The following ICE1 variants were observed in gnomAD, a reference collection of about 807,000 sequenced individuals.
The protein encoded by ICE1 is little elongation complex subunit 1.
Under a neutral mutation model 192.7 loss-of-function variants are expected in ICE1, and 64 were observed. The ratio of observed to expected loss-of-function variants is 0.33; its 90% confidence interval spans 0.27 to 0.41. The LOEUF (loss-of-function observed/expected upper bound fraction) is 0.41, where lower values mean the gene tolerates loss of function less well. ICE1 is among the 10% of genes least tolerant of loss of function. The pLI is 1.00. For synonymous variants in ICE1, 1,010 were observed against 984.5 expected (o/e 1.03, Z -0.49); for missense variants, 2,708 against 2,696.0 (o/e 1.00, Z -0.10).
At chr5:5,449,897 G>A (rs1333792289) in intron 10 of ICE1, among the ~76,000 whole-genome samples, 3 of 152,154 alleles carry the variant, frequency 2.0e-5, no homozygotes, top group African/African-American at 7.2e-5. Context: ...AAAACAAGAT[G>A]TTTATATACT....
intron 17 of ICE1, 99 bp downstream of exon 17, chr5:5,476,178 T>C: frequency 1.6e-6 from 1 of 630,142 alleles, no homozygotes; most frequent in Non-Finnish European, 2.6e-6. Context: ...ACTTTGAAAA[T>C]TTCTGATTTT....
chr5:5,457,964 AG>A (rs1738638467), intron 12 of ICE1, among the ~76,000 whole-genome samples: 1 of 152,162 alleles, frequency 6.6e-6, no homozygotes, highest in Non-Finnish European at 1.5e-5. Context: ...CATTTTTGTT[AG>A]TCTTTATCCA....
intron 14 of ICE1, among the ~76,000 whole-genome samples, chr5:5,467,426 CA>C (rs1215607913): frequency 6.6e-6 from 1 of 152,220 alleles, no homozygotes; most frequent in East Asian, 1.9e-4. Flanking sequence ...TCAACCACAG[CA>C]AGCCCATTCT....
In ICE1 at chr5:5,454,594, A is replaced by G. The variant is rs1315330440; in HGVS notation, c.647A>G (p.Asn216Ser). The change falls in exon 11 of 19, where the codon AAC becomes AGC. Residue 216 changes from asparagine (N) to serine (S), a missense_variant. Asn to Ser is a conservative substitution (Grantham distance 46). Transcript: ENST00000296564. ...CTGAAGGAACTCTGGCTCTGTGTAA[A>G]CACAACACACAGACTACCTGGTGAA... is the stretch of plus-strand genomic sequence containing the variant. ...LLLKELWLCV[N>S]TTHRLPGEGS... 6.2e-7 allele frequency: 1 copy of G among 1,613,528 alleles called. No homozygotes were observed. The highest frequency in any genetic ancestry group is 8.5e-7 in the Non-Finnish European group (1 of 1,179,722).
At position 5,464,746 on chromosome 5, in the gene ICE1, T is replaced by C. The variant is rs200851791; in HGVS notation, c.5412T>C (p.Thr1804=). 1.9e-6 allele frequency: 3 copies of C among 1,613,898 alleles called. No homozygotes were observed. The highest frequency in any genetic ancestry group is 2.5e-6 in the Non-Finnish European group (3 of 1,179,858). ...TCAAAACGATCACTTCAGCAGCAAC[T>C]GCTTTTGTCAAAACTGGGAGCAGCT... ...IGFKTITSAA[T]AFVKTGSSSG... Residue 1804 remains threonine (T), a synonymous_variant, in exon 13 of 19, where the codon ACT becomes ACC. Coordinates refer to ENST00000296564, the MANE Select transcript of ICE1 (RefSeq NM_015325.3). The surrounding 1 kb of genome is among the most constrained non-coding windows in gnomAD (Gnocchi z 4.0).
At chr5:5,456,168 T>A (rs1453873594) in intron 11 of ICE1, among the ~76,000 whole-genome samples, 1 of 152,214 alleles carries the variant, frequency 6.6e-6, no homozygotes, top group African/African-American at 2.4e-5. Context: ...GTATTATCAC[T>A]GGGCTCTAAC....
chr5:5,465,545 A>G (rs968920478), intron 13 of ICE1, among the ~76,000 whole-genome samples: 1 of 152,220 alleles, frequency 6.6e-6, no homozygotes, highest in African/African-American at 2.4e-5. Flanking sequence ...CAAAGCTTCA[A>G]ATTATCACAT....
At position 5,467,523 on chromosome 5, in the gene ICE1, A is replaced by C. The variant is rs537266599; in HGVS notation, c.6061+1021A>C. ...CTCCATTAATTTCACATACCTTCCT[A>C]GTCATCCTGGATCCCTTATTTTTCT... On this transcript the variant is annotated intron_variant, in intron 14 of 18. Transcript: ENST00000296564. Among the ~76,000 whole-genome samples the C allele has an allele frequency of 5.9e-5, 9 of 152,192 alleles. 1 individual carries two copies. The highest frequency in any genetic ancestry group is 4.4e-5 in the Non-Finnish European group (3 of 68,022).
chr5:5,433,754 T>A (rs1332745916), intron 1 of ICE1, among the ~76,000 whole-genome samples: 1 of 152,142 alleles, frequency 6.6e-6, no homozygotes, highest in African/African-American at 2.4e-5. Flanking sequence ...ATGTCTTTTG[T>A]GGGACAGGTC....
At chr5:5,432,186 G>A (rs1737729983) in intron 1 of ICE1, among the ~76,000 whole-genome samples, 1 of 152,062 alleles carries the variant, frequency 6.6e-6, no homozygotes, top group South Asian at 2.1e-4. Flanking sequence ...CTAGTTACTA[G>A]TCATTTCCTG....
chr5:5,455,558 T>C (rs576812944), intron 11 of ICE1, among the ~76,000 whole-genome samples: 2 of 152,360 alleles, frequency 1.3e-5, no homozygotes, highest in African/African-American at 4.8e-5. Context: ...TTAAAAGAGC[T>C]GTTCTTCATT....
intron 10 of ICE1, among the ~76,000 whole-genome samples, chr5:5,450,783 T>C (rs540713654): frequency 6.6e-6 from 1 of 152,310 alleles, no homozygotes; most frequent in Admixed American, 6.5e-5. Context: ...ATTAAAAGTA[T>C]AGTTTGCCAT....
chr5:5,444,409 A>G (rs1263839658), intron 7 of ICE1, 83 bp downstream of exon 7: 3 of 948,076 alleles, frequency 3.2e-6, no homozygotes, highest in Non-Finnish European at 4.9e-6. Flanking sequence ...TCTTGATCAA[A>G]TAGTTGAATT....
chr5:5,448,625 A>G (rs562005854), intron 10 of ICE1, among the ~76,000 whole-genome samples: 1 of 152,376 alleles, frequency 6.6e-6, no homozygotes, highest in African/African-American at 2.4e-5. Flanking sequence ...ATGTTTAATT[A>G]GTAAATAATG....
chr5:5,441,085 G>C (rs966395886), intron 4 of ICE1, 27 bp from the exon 5 acceptor site: 1 of 1,322,162 alleles, frequency 7.6e-7, no homozygotes, highest in Non-Finnish European at 1.1e-6. Context: ...ATCCTTTTCT[G>C]TAATAATGTT....
intron 1 of ICE1, among the ~76,000 whole-genome samples, chr5:5,423,474 G>A (rs1429177805): frequency 1.3e-5 from 2 of 152,180 alleles, no homozygotes; most frequent in African/African-American, 4.8e-5. Context: ...AGTCTAGGGA[G>A]GCGTTTCAGC....
Position 5,422,947 on chromosome 5 carries a change from C to T in ICE1, c.32C>T (p.Pro11Leu), listed in dbSNP as rs1244154727. The T allele has an allele frequency of 2.1e-6, 3 of 1,449,100 alleles. No homozygotes were observed. The highest frequency in any genetic ancestry group is 2.7e-6 in the Non-Finnish European group (3 of 1,102,732). The allele number at this position is 1,449,100 out of a possible 1,614,324, so 89.8% of individuals were successfully genotyped here. The change falls in exon 1 of 19, where the codon CCC (proline) becomes CTC (leucine). Residue 11 changes from proline to leucine, a missense_variant. Transcript: ENST00000296564. The part of the protein sequence containing the change: MMPGETHSAA[P>L]GTAADLSRCQ... ...CCGGGCGAGACCCATTCGGCGGCGC[C>T]CGGGACGGCGGCGGACCTGTCGCGA...
At chr5:5,456,209 A>G (rs1228011766) in intron 11 of ICE1, among the ~76,000 whole-genome samples, 2 of 152,160 alleles carry the variant, frequency 1.3e-5, no homozygotes, top group Non-Finnish European at 2.9e-5. Flanking sequence ...GGTATCTGCA[A>G]GTTTTTATGT....
At chr5:5,423,072 G>C in intron 1 of ICE1, 73 bp downstream of exon 1, 1 of 1,037,504 alleles carries the variant, frequency 9.6e-7, no homozygotes, top group East Asian at 3.3e-5. Flanking sequence ...GGGATGTGGG[G>C]TCCGGCCGCG....
Sources: allele counts gnomAD v4.1 joint callset (sites outside exome capture counted in the v4.1 genomes callset), GRCh38; gene constraint gnomAD v4.1.1; non-coding constraint Gnocchi (gnomAD v3.1); transcripts MANE v1.5; gene names NCBI Gene and HGNC (gene_info 2026-07-23, HGNC 2026-07-21).